TMEM132D: variants seen among roughly 807,000 people sequenced by gnomAD.
TMEM132D encodes mature OL transmembrane protein.
A neutral mutation model predicts 62.3 loss-of-function variants in TMEM132D; 21 were observed. The observed-to-expected ratio is 0.34, with a 90% CI of 0.24 to 0.49. TMEM132D has a LOEUF of 0.49. Ranked by LOEUF, TMEM132D falls within the 20% of genes least tolerant of loss-of-function variation. The pLI, the probability that TMEM132D is intolerant of heterozygous loss-of-function variation, is 0.99. For missense variants in TMEM132D, 1,346 were observed against 1,402.8 expected (o/e 0.96, Z 0.65); for synonymous variants, 621 against 575.6 (o/e 1.08, Z -1.13).
chr12:129,580,735 A>C lies in TMEM132D; in HGVS notation c.969-49530T>G, dbSNP rs80211534. ...AATAAATAAATAAGTAAATAAAAAT[A>C]AATAAATAAATAAATAAATAAATCA... On this transcript the variant is annotated intron_variant, in intron 2 of 8. Coordinates refer to ENST00000422113, the MANE Select transcript of TMEM132D (RefSeq NM_133448.3). 8.4e-3 allele frequency among the ~76,000 whole-genome samples: 1,278 copies of C among 151,260 alleles called. 12 individuals carry two copies. The highest frequency in any genetic ancestry group is 0.017 in the African/African-American group (703 of 41,194).
intron 3 of TMEM132D, among the ~76,000 whole-genome samples, chr12:129,345,152 A>T (rs1349463396): frequency 1.3e-5 from 2 of 152,048 alleles, no homozygotes; most frequent in Non-Finnish European, 2.9e-5. Context: ...CCTTTGCCTT[A>T]TTCGACATTT....
intron 3 of TMEM132D, among the ~76,000 whole-genome samples, chr12:129,411,488 T>C (rs1871966301): frequency 6.6e-6 from 1 of 152,066 alleles, no homozygotes; most frequent in African/African-American, 2.4e-5. Flanking sequence ...CCTGCCTCAG[T>C]CTTCCAAGTA....
At chr12:129,585,480 G>A (rs764185566) in intron 2 of TMEM132D, among the ~76,000 whole-genome samples, 1 of 152,234 alleles carries the variant, frequency 6.6e-6, no homozygotes, top group Non-Finnish European at 1.5e-5. Flanking sequence ...GGTTGGCTGC[G>A]TGTGGGCCGC....
chr12:129,245,660 GT>G, intron 4 of TMEM132D, among the ~76,000 whole-genome samples: 1 of 151,854 alleles, frequency 6.6e-6, no homozygotes, highest in Non-Finnish European at 1.5e-5. Context: ...GTTGTGATGT[GT>G]TTGTAAAAGG....
chr12:129,401,171 C>A (rs562798109), intron 3 of TMEM132D, among the ~76,000 whole-genome samples: 1 of 152,276 alleles, frequency 6.6e-6, no homozygotes, highest in African/African-American at 2.4e-5. Context: ...ACTGGGGAGG[C>A]TACAGTGAAA....
At chr12:129,796,230 C>T (rs1420507417) in intron 1 of TMEM132D, among the ~76,000 whole-genome samples, 2 of 151,966 alleles carry the variant, frequency 1.3e-5, no homozygotes, top group African/African-American at 4.8e-5. Flanking sequence ...TCATATAAAA[C>T]TCTTTGGGCT....
intron 3 of TMEM132D, among the ~76,000 whole-genome samples, chr12:129,424,707 CAAAA>C (rs11385383): frequency 1.5e-3 from 47 of 31,822 alleles, no homozygotes; most frequent in African/African-American, 5.0e-3. Flanking sequence ...GACTCCATCT[CAAAA>C]AAAAAAAAAA....
At chr12:129,199,212 C>A (rs112106959) in intron 5 of TMEM132D, among the ~76,000 whole-genome samples, 3 of 147,994 alleles carry the variant, frequency 2.0e-5, no homozygotes, top group African/African-American at 7.5e-5. Flanking sequence ...CAGGCTCCAG[C>A]AATTCTCCTC....
At chr12:129,752,332 G>A (rs1870026667) in intron 1 of TMEM132D, among the ~76,000 whole-genome samples, 1 of 152,246 alleles carries the variant, frequency 6.6e-6, no homozygotes, top group Non-Finnish European at 1.5e-5. Flanking sequence ...TGAGACTTAA[G>A]TCAAATGTCT....
chr12:129,648,369 A>G (rs1162826124), intron 2 of TMEM132D, among the ~76,000 whole-genome samples: 2 of 152,134 alleles, frequency 1.3e-5, no homozygotes, highest in Non-Finnish European at 2.9e-5. Flanking sequence ...CCCCTGCCCT[A>G]GAAATTTCTT....
At chr12:129,488,080 C>A (rs1019048707) in intron 3 of TMEM132D, among the ~76,000 whole-genome samples, 2 of 152,118 alleles carry the variant, frequency 1.3e-5, no homozygotes, top group African/African-American at 4.8e-5. Flanking sequence ...GCACAGCACC[C>A]AGGTGCCATC....
intron 4 of TMEM132D, among the ~76,000 whole-genome samples, chr12:129,283,088 C>T (rs1014819778): frequency 6.6e-6 from 1 of 152,216 alleles, no homozygotes; most frequent in African/African-American, 2.4e-5. Context: ...CTGTCATTCA[C>T]TGACTCATTC....
At chr12:129,591,474 A>C (rs1878188263) in intron 2 of TMEM132D, among the ~76,000 whole-genome samples, 1 of 152,122 alleles carries the variant, frequency 6.6e-6, no homozygotes, top group African/African-American at 2.4e-5. Context: ...TTCTGAAAAT[A>C]GCATGCCAAT....
intron 3 of TMEM132D, among the ~76,000 whole-genome samples, chr12:129,370,228 C>T (rs1184825422): frequency 6.6e-6 from 1 of 152,196 alleles, no homozygotes; most frequent in South Asian, 2.1e-4. Context: ...GACACAAAGT[C>T]CTCTGGTGTG....
intron 3 of TMEM132D, among the ~76,000 whole-genome samples, chr12:129,434,621 C>T (rs1851713324): frequency 6.6e-6 from 1 of 151,746 alleles, no homozygotes; most frequent in African/African-American, 2.4e-5. Context: ...CAGGATTTAG[C>T]CATGTAAAAA....
chr12:129,767,512 C>T (rs1870590265), intron 1 of TMEM132D, among the ~76,000 whole-genome samples: 1 of 152,194 alleles, frequency 6.6e-6, no homozygotes, highest in Non-Finnish European at 1.5e-5. Context: ...CATGTCCCCT[C>T]AGCCCCTGAC....
At chr12:129,821,077 G>T (rs1382675636) in intron 1 of TMEM132D, among the ~76,000 whole-genome samples, 2 of 152,064 alleles carry the variant, frequency 1.3e-5, no homozygotes, top group African/African-American at 4.8e-5. Flanking sequence ...TCTGAAATTA[G>T]CCATTTTAAA....
intron 2 of TMEM132D, among the ~76,000 whole-genome samples, chr12:129,608,645 G>A (rs758501389): frequency 6.6e-5 from 10 of 152,114 alleles, no homozygotes; most frequent in Non-Finnish European, 1.2e-4. Context: ...TACATATTCC[G>A]TAGAAAAGCA....
chr12:129,279,756 A>G (rs1881090725), intron 4 of TMEM132D, among the ~76,000 whole-genome samples: 1 of 152,194 alleles, frequency 6.6e-6, no homozygotes, highest in Non-Finnish European at 1.5e-5. Context: ...CTGCTGCACA[A>G]CTTAGAAAAA....
Sources: allele counts gnomAD v4.1 joint callset (sites outside exome capture counted in the v4.1 genomes callset), GRCh38; gene constraint gnomAD v4.1.1; transcripts MANE v1.5; gene names NCBI Gene and HGNC (gene_info 2026-07-23, HGNC 2026-07-21).